Variants in SH2B2 observed in about 807,000 individuals in gnomAD.
The protein encoded by SH2B2 is SH2B adaptor protein 2.
In SH2B2, 37 loss-of-function variants were observed where a neutral mutation model predicts 35.7. The ratio of observed to expected loss-of-function variants is 1.04; its 90% CI spans 0.80 to 1.36. The LOEUF (loss-of-function observed/expected upper bound fraction) is 1.36, where lower values mean the gene tolerates loss of function less well. Ranked by LOEUF, SH2B2 falls within the 40% of genes most tolerant of loss-of-function variation. The pLI is 0.00. For synonymous variants in SH2B2, 383 were observed against 376.4 expected (o/e 1.02, Z -0.20); for missense variants, 852 against 817.7 (o/e 1.04, Z -0.51).
intron 4 of SH2B2, among the ~76,000 whole-genome samples, chr7:102,313,142 A>G (rs1793689156): frequency 6.7e-6 from 1 of 149,884 alleles, no homozygotes; most frequent in African/African-American, 2.5e-5. Flanking sequence ...AAAAAAAAAA[A>G]AAAAAAAAAG....
chr7:102,315,744 G>GAAAAAAAAA (rs61456197), intron 6 of SH2B2, among the ~76,000 whole-genome samples: 24 of 90,546 alleles, frequency 2.7e-4, no homozygotes, highest in Non-Finnish European at 3.5e-4. Flanking sequence ...CCTGTGAAAA[G>GAAAAAAAAA]AAAAAAAAAA....
intron 6 of SH2B2, among the ~76,000 whole-genome samples, chr7:102,316,223 G>A (rs1416552677): frequency 6.6e-6 from 1 of 152,130 alleles, no homozygotes; most frequent in Non-Finnish European, 1.5e-5. Context: ...GCTGCAGTGA[G>A]CTATGATTGT....
intron 1 of SH2B2, among the ~76,000 whole-genome samples, chr7:102,298,819 T>C (rs1307326013): frequency 6.6e-6 from 1 of 151,988 alleles, no homozygotes; most frequent in Non-Finnish European, 1.5e-5. Flanking sequence ...CTGCTCACCT[T>C]GGCCTCCCAA....
In SH2B2 at chr7:102,301,187, G is replaced by A. The variant is rs1554553784; in HGVS notation, c.637G>A (p.Gly213Arg). ...MVADDAAAGS[G>R]GSAQWQKCRL... Reference sequence around the variant, plus strand: ...GGCCGACGACGCGGCCGCGGGCTCCGGGGGCTCGGCTCAGTGGCAGAAGTG... The same window carrying A: ...GGCCGACGACGCGGCCGCGGGCTCCAGGGGCTCGGCTCAGTGGCAGAAGTG... The change falls in exon 2 of 9, where the codon GGG becomes AGG. Residue 213 changes from glycine (G) to arginine (R), a missense_variant. Gly to Arg is a moderately radical substitution (Grantham distance 125). Around this residue, in one of 3 missense-constraint regions of SH2B2, gnomAD observed 556 missense variants for 514.5 expected, o/e 1.08. Transcript: ENST00000444095. 3 of 1,582,706 alleles carry A rather than the reference G, an allele frequency of 1.9e-6. No individual in the cohort carries two copies. The highest frequency in any genetic ancestry group is 2.4e-5 in the East Asian group (1 of 42,220).
At chr7:102,286,720 G>C (rs1221296104), upstream of SH2B2, among the ~76,000 whole-genome samples, 1 of 149,390 alleles carries the variant, frequency 6.7e-6, no homozygotes, top group Non-Finnish European at 1.5e-5. Flanking sequence ...CTCGGGCTCC[G>C]CGGATGGCCG....
rs782606047 is a variant in SH2B2, at chr7:102,301,024, C to G, written c.474C>G (p.Pro158=). 1.1e-4 allele frequency: 159 copies of G among 1,387,298 alleles called. No homozygotes were observed. Among genetic ancestry groups the G allele is most frequent in the Non-Finnish European group, 1.4e-4 (145 of 1,073,182 alleles). The allele number at this position is 1,387,298 out of a possible 1,614,324, so 85.9% of individuals were successfully genotyped here. Residue 158 remains proline, a synonymous_variant, in exon 2 of 9, where the codon CCC becomes CCG. Coordinates refer to ENST00000444095, the MANE Select transcript of SH2B2 (RefSeq NM_001359228.2). ...ACATGTGGCACCGGCGCGCCTCGCC[C>G]GAGCCCGACGCGGCAGCTGCCCCGC... ...VRDMWHRRAS[P]EPDAAAAPRT... is the part of the protein sequence containing the mutation.
At chr7:102,285,737 G>A (rs1357276498), upstream of SH2B2, among the ~76,000 whole-genome samples, 2 of 152,260 alleles carry the variant, frequency 1.3e-5, no homozygotes, top group Admixed American at 6.5e-5. Flanking sequence ...GACAGATGGA[G>A]GCAGCTCCGG....
At chr7:102,286,808 TCGCGGC>T (rs1445256246), upstream of SH2B2, 1 of 49,908 alleles carries the variant, frequency 2.0e-5, no homozygotes, top group East Asian at 5.9e-4. Flanking sequence ...GGGCCGGGGC[TCGCGGC>T]GGGGGCGGGG....
At chr7:102,298,088 C>A (rs1325669103) in intron 1 of SH2B2, among the ~76,000 whole-genome samples, 1 of 152,082 alleles carries the variant, frequency 6.6e-6, no homozygotes, top group African/African-American at 2.4e-5. Flanking sequence ...GAGGCAGGTC[C>A]AGCCAGGGAA....
At chr7:102,311,287 C>T (rs1554555996) in intron 4 of SH2B2, among the ~76,000 whole-genome samples, 1 of 150,788 alleles carries the variant, frequency 6.6e-6, no homozygotes, top group East Asian at 2.0e-4. Flanking sequence ...TGGAGTCTCG[C>T]TCCATCATCC....
rs1794063592 is a variant in SH2B2, at chr7:102,321,283, C to G, written c.1568-16C>G. ...GCCCAGGTCCCCACTCACGCCCTGCCGTCGCCTTGTTGCAGAGCCGGGCCC... is the reference window on the plus strand; with the variant it reads ...GCCCAGGTCCCCACTCACGCCCTGCGGTCGCCTTGTTGCAGAGCCGGGCCC... On this transcript the variant is annotated splice_polypyrimidine_tract_variant and intron_variant, in intron 8 of 8. Coordinates refer to ENST00000444095, the MANE Select transcript of SH2B2 (RefSeq NM_001359228.2). 2.2e-6 allele frequency: 3 copies of G among 1,366,876 alleles called. No homozygotes were observed. The South Asian group carries it at 5.0e-5, about 23-fold the overall frequency. The allele number at this position is 1,366,876 out of a possible 1,614,324, so 84.7% of individuals were successfully genotyped here.
intron 4 of SH2B2, among the ~76,000 whole-genome samples, chr7:102,313,284 A>C (rs1793694843): frequency 1.4e-5 from 2 of 146,366 alleles, no homozygotes; most frequent in South Asian, 4.3e-4. Flanking sequence ...AAAAAATACA[A>C]AAAAAAAAAA....
chr7:102,294,061 C>T (rs1465222937), intron 1 of SH2B2, among the ~76,000 whole-genome samples: 2 of 152,170 alleles, frequency 1.3e-5, no homozygotes, highest in Non-Finnish European at 2.9e-5. Flanking sequence ...GACAGAGTCT[C>T]GCTCTGTTGC....
intron 2 of SH2B2, among the ~76,000 whole-genome samples, chr7:102,302,343 C>T (rs1554554115): frequency 1.3e-5 from 2 of 152,238 alleles, no homozygotes; most frequent in Admixed American, 6.5e-5. Flanking sequence ...TGCTCTTCCC[C>T]AGCTCAGCTG....
intron 1 of SH2B2, among the ~76,000 whole-genome samples, chr7:102,288,898 C>CCT (rs1792563958): frequency 6.6e-6 from 1 of 152,238 alleles, no homozygotes; most frequent in Non-Finnish European, 1.5e-5. Context: ...GCCTACCCAG[C>CCT]CTGGGTTGCA....
At chr7:102,310,541 A>G (rs1554555846) in intron 4 of SH2B2, among the ~76,000 whole-genome samples, 1 of 152,122 alleles carries the variant, frequency 6.6e-6, no homozygotes. Flanking sequence ...ACCATCCAGG[A>G]GAGATGCCAG....
intron 1 of SH2B2, among the ~76,000 whole-genome samples, chr7:102,296,577 A>G (rs1324986719): frequency 1.3e-5 from 2 of 152,246 alleles, no homozygotes; most frequent in African/African-American, 4.8e-5. Flanking sequence ...CAAGGCCCCC[A>G]GGTGATGGGC....
chr7:102,300,504 C>A lies in SH2B2; in HGVS notation c.-29-18C>A. The A allele has an allele frequency of 6.6e-7, 1 of 1,517,046 alleles. No homozygotes were observed. Among genetic ancestry groups the A allele is most frequent in the South Asian group, 1.2e-5 (1 of 80,630 alleles). 94.0% of individuals were successfully genotyped at this position (1,517,046 alleles called of 1,614,324 possible). A position where few individuals can be genotyped will look rare whatever the true frequency, so the allele number is the denominator to read the frequency against. ...GATCACAGGCCTGAAAGTCACTGCG[C>A]GCTCTTCTCGCCCGAAGCCGCAGGT... On this transcript the variant is annotated intron_variant, in intron 1 of 8. Transcript: ENST00000444095.
intron 4 of SH2B2, among the ~76,000 whole-genome samples, chr7:102,310,362 C>T (rs566736766): frequency 2.0e-5 from 3 of 152,222 alleles, no homozygotes; most frequent in Admixed American, 2.0e-4. Context: ...GTACAAGCAC[C>T]TGGGACTCGC....
Sources: allele counts gnomAD v4.1 joint callset (sites outside exome capture counted in the v4.1 genomes callset), GRCh38; gene constraint gnomAD v4.1.1; regional missense constraint gnomAD v4.1.1; transcripts MANE v1.5; gene names NCBI Gene and HGNC (gene_info 2026-07-23, HGNC 2026-07-21).